OGFRL1: variants seen among roughly 807,000 people sequenced by gnomAD.
OGFRL1 encodes opioid growth factor receptor-like protein 1.
In OGFRL1, 26 loss-of-function variants were observed where a neutral mutation model predicts 32.4. The observed-to-expected ratio is 0.80, with a 90% confidence interval of 0.59 to 1.11. OGFRL1 has a LOEUF of 1.11. OGFRL1 is among the 50% of genes most tolerant of loss of function. The probability of loss-of-function intolerance (pLI) is 0.00; values close to 1 mark genes in which losing one functional copy is unlikely to be tolerated. For missense variants in OGFRL1, 521 were observed against 546.4 expected, an observed-to-expected ratio of 0.95 and a Z score of 0.46; for synonymous variants, 211 against 201.2, an observed-to-expected ratio of 1.05 and a Z score of -0.41.
At chr6:71,297,270 G>C (rs1276425161) in intron 6 of OGFRL1, among the ~76,000 whole-genome samples, 2 of 151,682 alleles carry the variant, frequency 1.3e-5, no homozygotes, top group Non-Finnish European at 2.9e-5. Flanking sequence ...CATTTTATAA[G>C]AATGAGATGG....
chr6:71,300,898 A>G (rs1019332536), intron 6 of OGFRL1, among the ~76,000 whole-genome samples: 6 of 152,198 alleles, frequency 3.9e-5, no homozygotes, highest in Admixed American at 3.3e-4. Context: ...TTTTGCCGCC[A>G]TCCTTATGAG....
At position 71,305,410 on chromosome 6, in the gene OGFRL1, CATA is replaced by C. The variant is rs1412854198; in HGVS notation, c.*3363_*3365del. 2.0e-5 allele frequency: 3 copies of C among 151,998 alleles called. No individual in the cohort carries two copies. The highest frequency in any genetic ancestry group is 7.2e-5 in the African/African-American group (3 of 41,416). The allele number at this position is 151,998 out of a possible 1,614,324, so 9.4% of individuals were successfully genotyped here. A position where few individuals can be genotyped will look rare whatever the true frequency, so the allele number is the denominator to read the frequency against. On this transcript the variant is annotated 3_prime_UTR_variant, in exon 7 of 7. Coordinates refer to ENST00000370435, the MANE Select transcript of OGFRL1 (RefSeq NM_024576.5). ...CATTATACATTTTCATTCTCGATCT[CATA>C]AGAAATTCAAAAGAATAATGATAGA...
At chr6:71,291,695 G>C (rs1766056652) in intron 1 of OGFRL1, 1 of 152,302 alleles carries the variant, frequency 6.6e-6, no homozygotes, top group South Asian at 2.1e-4. Flanking sequence ...CTGAGAAATA[G>C]GTAGGGCTTG....
rs552654537 is a variant in OGFRL1 at position 71,304,864 on chromosome 6, C to T, written c.*2815C>T. 35 of 152,040 alleles carry T rather than the reference C, an allele frequency of 2.3e-4. No homozygotes were observed. Among genetic ancestry groups the T allele is most frequent in the African/African-American group, 8.4e-4 (35 of 41,528 alleles). The allele number at this position is 152,040 out of a possible 1,614,324, so 9.4% of individuals were successfully genotyped here. The stretch of plus-strand genomic sequence containing the variant: ...ACTTAGATAATCATTCAGTGGAGAA[C>T]AAGTAAAAGGATATCATTCCTTTTG... On this transcript the variant is annotated 3_prime_UTR_variant, in exon 7 of 7. Transcript: ENST00000370435.
intron 1 of OGFRL1, 40 bp downstream of exon 1, chr6:71,289,210 CCCCGACACCCCAGAGGGGCAA>C (rs1422271850): frequency 2.9e-6 from 3 of 1,052,080 alleles, no homozygotes; most frequent in Admixed American, 5.5e-5. Flanking sequence ...GGCTGGGGCG[CCCCGACACCCCAGAGGGGCAA>C]GTGCCAAGCC....
intron 3 of OGFRL1, among the ~76,000 whole-genome samples, chr6:71,294,955 T>A (rs1470271516): frequency 6.6e-6 from 1 of 152,216 alleles, no homozygotes; most frequent in Non-Finnish European, 1.5e-5. Flanking sequence ...TTTGTAAATA[T>A]TAATTTAAAA....
Position 71,289,548 on chromosome 6 carries a change from T to TAAAAAAAAAAAAAAA in OGFRL1, c.234+396_234+410dup, listed in dbSNP as rs1158690810. 26 of 541,832 alleles carry TAAAAAAAAAAAAAAA rather than the reference T, an allele frequency of 4.8e-5. No homozygotes were observed. The African/African-American group carries it at 5.7e-4, about 12-fold the overall frequency. 33.6% of individuals were successfully genotyped at this position (541,832 alleles called of 1,614,324 possible). ...CAACCCCTCTAGTGTGTGTTATTGG[T>TAAAAAAAAAAAAAAA]AAAAAAAAAAAAAAAAAAAAAAAAA... On this transcript the variant is annotated intron_variant, in intron 1 of 6. Coordinates refer to ENST00000370435, the MANE Select transcript of OGFRL1 (RefSeq NM_024576.5).
rs145120397 is a variant in OGFRL1 at position 71,289,795 on chromosome 6, T to C, written c.234+625T>C. The C allele has an allele frequency of 5.3e-5, 52 of 985,392 alleles. 2 individuals are homozygous for C. The East Asian group carries it at 2.4e-3, about 45-fold the overall frequency. The allele number at this position is 985,392 out of a possible 1,614,324, so 61.0% of individuals were successfully genotyped here. ...AACTGTGTTTGAACTGTTTGACTAA[T>C]ACAGCTTGGAGGAGAGGTTAGTCAA... On this transcript the variant is annotated intron_variant, in intron 1 of 6. Transcript: ENST00000370435.
At chr6:71,294,096 T>C (rs948564401) in intron 3 of OGFRL1, among the ~76,000 whole-genome samples, 4 of 152,220 alleles carry the variant, frequency 2.6e-5, no homozygotes, top group Non-Finnish European at 4.4e-5. Flanking sequence ...AATCCCTGTT[T>C]GGAGTTCCAA....
Position 71,308,604 on chromosome 6 carries a change from C to T in OGFRL1, c.*6555C>T, listed in dbSNP as rs1277531088. 2 of 152,126 alleles carry T rather than the reference C, an allele frequency of 1.3e-5. No homozygotes were observed. Among genetic ancestry groups the T allele is most frequent in the Non-Finnish European group, 2.9e-5 (2 of 68,026 alleles). 9.4% of individuals were successfully genotyped at this position (152,126 alleles called of 1,614,324 possible). On this transcript the variant is annotated 3_prime_UTR_variant, in exon 7 of 7. Coordinates refer to ENST00000370435, the MANE Select transcript of OGFRL1 (RefSeq NM_024576.5). The stretch of plus-strand genomic sequence containing the variant: ...TGAATTACAGAATGCTGTGCATGTT[C>T]GTTAGTACCAATACCATGTGTATGT...
At chr6:71,289,891 G>C in intron 1 of OGFRL1, 1 of 895,576 alleles carries the variant, frequency 1.1e-6, no homozygotes, top group Non-Finnish European at 1.3e-6. Flanking sequence ...ATATGTAGCC[G>C]ACCCCCTGAA....
At position 71,293,620 on chromosome 6, in the gene OGFRL1, C is replaced by A; in HGVS notation, c.400+9C>A. The A allele has an allele frequency of 6.4e-7, 1 of 1,552,268 alleles. No individual in the cohort carries two copies. The highest frequency in any genetic ancestry group is 8.9e-7 in the Non-Finnish European group (1 of 1,127,348). On this transcript the variant is annotated intron_variant, in intron 3 of 6. Transcript: ENST00000370435. ...TCCATTCAAGCCAGATGGTGAGTAA[C>A]GTACTACTTGATAAATTGCACTTTA...
In OGFRL1 at chr6:71,302,158, G is replaced by A; in HGVS notation, c.*109G>A. 1.1e-6 allele frequency: 1 copy of A among 935,176 alleles called. No individual in the cohort carries two copies. Among genetic ancestry groups the A allele is most frequent in the South Asian group, 2.4e-5 (1 of 41,074 alleles). 57.9% of individuals were successfully genotyped at this position (935,176 alleles called of 1,614,324 possible). The stretch of plus-strand genomic sequence containing the variant: ...AATTTCAAATTTTAGCCATCTGTTT[G>A]TGATTTCTGTCATAAGCATTTTGTT... On this transcript the variant is annotated 3_prime_UTR_variant, in exon 7 of 7. Coordinates refer to ENST00000370435, the MANE Select transcript of OGFRL1 (RefSeq NM_024576.5).
At chr6:71,297,980 T>A (rs952325358) in intron 6 of OGFRL1, among the ~76,000 whole-genome samples, 6 of 118,036 alleles carry the variant, frequency 5.1e-5, no homozygotes, top group Admixed American at 2.3e-4. Context: ...CAGACCCCGG[T>A]GTGTGATGTT....
At chr6:71,289,935 C>T (rs776164699) in intron 1 of OGFRL1, 4 of 473,026 alleles carry the variant, frequency 8.5e-6, no homozygotes, top group Non-Finnish European at 1.1e-5. Context: ...TCAGGTTTGC[C>T]GCTCCACATT....
rs924123694 is a variant in OGFRL1 at position 71,306,724 on chromosome 6, C to T, written c.*4675C>T. On this transcript the variant is annotated 3_prime_UTR_variant, in exon 7 of 7. Coordinates refer to ENST00000370435, the MANE Select transcript of OGFRL1 (RefSeq NM_024576.5). ...CAAAACGTGTTTAGAGTAAGAAAGA[C>T]TAACTATACTGTCTGTTATATTTAT... The T allele has an allele frequency of 2.6e-5, 4 of 152,166 alleles. No individual in the cohort carries two copies. The highest frequency in any genetic ancestry group is 9.7e-5 in the African/African-American group (4 of 41,444). The allele number at this position is 152,166 out of a possible 1,614,324, so 9.4% of individuals were successfully genotyped here.
Position 71,296,827 on chromosome 6 carries a change from GC to G in OGFRL1, c.692+14del, listed in dbSNP as rs752048051. 1.1e-5 allele frequency: 17 copies of G among 1,609,150 alleles called. No individual in the cohort carries two copies. The South Asian group carries it at 1.7e-4, about 16-fold the overall frequency. ...TTCAGCATCTGAATGAGTAAGTAAA[GC>G]CCCTGTGATAAATCAGGGGCCAGCA... On this transcript the variant is annotated intron_variant, in intron 6 of 6. Coordinates refer to ENST00000370435, the MANE Select transcript of OGFRL1 (RefSeq NM_024576.5).
rs1049085373 is a variant in OGFRL1 at position 71,301,614 on chromosome 6, A to G, written c.921A>G (p.Ser307=). Residue 307 remains serine (S), a synonymous_variant, in exon 7 of 7, where the codon TCA becomes TCG. Coordinates refer to ENST00000370435, the MANE Select transcript of OGFRL1 (RefSeq NM_024576.5). The part of the protein sequence containing the change: ...LRFAQKHYTP[S]ENFIWGPPRK... The stretch of plus-strand genomic sequence containing the variant: ...TCGCCCAGAAACACTACACGCCTTC[A>G]GAGAACTTTATCTGGGGACCGCCTC... 1.9e-6 allele frequency: 3 copies of G among 1,614,088 alleles called. No homozygotes were observed. Among genetic ancestry groups the G allele is most frequent in the Non-Finnish European group, 1.7e-6 (2 of 1,180,044 alleles).
rs960136354 is a variant in OGFRL1, at chr6:71,305,583, A to G, written c.*3534A>G. The G allele has an allele frequency of 6.6e-6, 1 of 152,136 alleles. No homozygotes were observed. Among genetic ancestry groups the G allele is most frequent in the Admixed American group, 6.5e-5 (1 of 15,278 alleles). The allele number at this position is 152,136 out of a possible 1,614,324, so 9.4% of individuals were successfully genotyped here. A position where few individuals can be genotyped will look rare whatever the true frequency, so the allele number is the denominator to read the frequency against. On this transcript the variant is annotated 3_prime_UTR_variant, in exon 7 of 7. Transcript: ENST00000370435. ...TAAAATCTACAACTCAGGAGTTACT[A>G]GAGAAGTTCTAAGTATTTTTTTGCT...
Sources: gnomAD v4.1 joint callset for allele counts (sites outside exome capture counted in the v4.1 genomes callset) on GRCh38, gnomAD v4.1.1 for gene constraint, MANE v1.5 for transcripts, NCBI Gene and HGNC (gene_info 2026-07-23, HGNC 2026-07-21) for gene names.